Variants in SREBF2 observed in about 807,000 individuals in gnomAD.
SREBF2 encodes the protein sterol regulatory element-binding protein 2.
In SREBF2, 55 loss-of-function variants were observed where a neutral mutation model predicts 113.1. The observed-to-expected ratio is 0.49, with a 90% CI of 0.39 to 0.61. The LOEUF is 0.61. Among genes scored for constraint, SREBF2 ranks in the 20% least tolerant of loss-of-function variants. SREBF2 has a pLI of 0.00. For synonymous variants in SREBF2, 593 were observed against 605.7 expected, an observed-to-expected ratio of 0.98 and a Z score of 0.31; for missense variants, 1,349 against 1,487.4, an observed-to-expected ratio of 0.91 and a Z score of 1.53.
rs1231820682 is a variant in SREBF2 at position 41,870,770 on chromosome 22, A to G, written c.721-119A>G. 3 of 1,396,258 alleles carry G rather than the reference A, an allele frequency of 2.1e-6. No homozygotes were observed. In the East Asian group the frequency reaches 7.1e-5, roughly 33 times the overall value. The allele number at this position is 1,396,258 out of a possible 1,614,324, so 86.5% of individuals were successfully genotyped here. A position where few individuals can be genotyped will look rare whatever the true frequency, so the allele number is the denominator to read the frequency against. On this transcript the variant is annotated intron_variant, in intron 3 of 18. Coordinates refer to ENST00000361204, the MANE Select transcript of SREBF2 (RefSeq NM_004599.4). The stretch of plus-strand genomic sequence containing the variant: ...ATTTCCTGTTCATTTTTTTATTCTC[A>G]ATTTCATAAAAATTATATCATTTCT...
rs575791315 is a variant in SREBF2, at chr22:41,837,431, G to C, written c.88+4073G>C. ...AAATTAGCCGGGCATGGTGGTACAC[G>C]CCTATAGTCCCAGCAACCCAGGAGG... On this transcript the variant is annotated intron_variant, in intron 1 of 18. Coordinates refer to ENST00000361204, the MANE Select transcript of SREBF2 (RefSeq NM_004599.4). Among the ~76,000 whole-genome samples the C allele has an allele frequency of 5.3e-5, 8 of 151,670 alleles. No individual in the cohort carries two copies. The South Asian group carries it at 1.7e-3, about 32-fold the overall frequency.
chr22:41,834,295 G>T (rs1424982182), intron 1 of SREBF2: 1 of 152,404 alleles, frequency 6.6e-6, no homozygotes, highest in East Asian at 1.9e-4. Flanking sequence ...CTGGATAGTT[G>T]CACTCTTATG....
chr22:41,905,466 C>T lies in SREBF2; in HGVS notation c.3232C>T (p.Arg1078Ter). The T allele has an allele frequency of 6.3e-7, 1 of 1,578,056 alleles. No homozygotes were observed. Among genetic ancestry groups the T allele is most frequent in the Non-Finnish European group, 8.6e-7 (1 of 1,162,922 alleles). The change falls in exon 19 of 19, where the codon CGA (arginine) becomes TGA (stop). Residue 1078 changes from arginine (R) to a stop codon, truncating the protein, a stop_gained. Coordinates refer to ENST00000361204, the MANE Select transcript of SREBF2 (RefSeq NM_004599.4). LOFTEE classifies it high-confidence loss of function. ...AGAGGTGGATGCCTGGCCCGGCCAG[C>T]GAGAGCGGGCCACCGCCATCCTGCT... ...HGEVDAWPGQ[R>*]ERATAILLAC...
chr22:41,847,226 CAGG>C (rs959868829), intron 1 of SREBF2, among the ~76,000 whole-genome samples: 6 of 152,182 alleles, frequency 3.9e-5, no homozygotes, highest in African/African-American at 9.7e-5. Flanking sequence ...ACTCTGCCCC[CAGG>C]AGGAGGACAG....
chr22:41,842,685 C>T (rs2076840808), intron 1 of SREBF2, among the ~76,000 whole-genome samples: 1 of 152,092 alleles, frequency 6.6e-6, no homozygotes, highest in African/African-American at 2.4e-5. Flanking sequence ...TCGCAAGAAT[C>T]CAGTTAGGTA....
intron 13 of SREBF2, among the ~76,000 whole-genome samples, chr22:41,895,510 A>G (rs2077407067): frequency 7.4e-6 from 1 of 135,930 alleles, no homozygotes; most frequent in Non-Finnish European, 1.5e-5. Context: ...GTCTCAGCTC[A>G]CTGCAACCTC....
chr22:41,893,184 G>T lies in SREBF2; in HGVS notation c.2276G>T (p.Arg759Leu). Reference sequence around the variant, plus strand: ...CACAGTGCTGTTCCTGACTCCCTGCGCTGGCTCTGCCACCCCCTGGGCCAG... The same window carrying T: ...CACAGTGCTGTTCCTGACTCCCTGCTCTGGCTCTGCCACCCCCTGGGCCAG... ...PEHSAVPDSL[R>L]WLCHPLGQKF... Residue 759 changes from arginine (R) to leucine (L), a missense_variant, in exon 12 of 19, where the codon CGC becomes CTC. By Grantham distance (102) the Arg-to-Leu change is moderately radical (BLOSUM62 -2). Around this residue, in one of 2 missense-constraint regions of SREBF2, gnomAD observed 650 missense variants for 644.1 expected, o/e 1.01. Coordinates refer to ENST00000361204, the MANE Select transcript of SREBF2 (RefSeq NM_004599.4). 2.5e-6 allele frequency: 4 copies of T among 1,614,138 alleles called. No individual in the cohort carries two copies. Among genetic ancestry groups the T allele is most frequent in the Non-Finnish European group, 3.4e-6 (4 of 1,180,034 alleles).
At chr22:41,902,600 C>G (rs1477843436) in intron 16 of SREBF2, among the ~76,000 whole-genome samples, 1 of 152,174 alleles carries the variant, frequency 6.6e-6, no homozygotes, top group African/African-American at 2.4e-5. Context: ...ATCTCAGCCT[C>G]CTAGCCAGCC....
Position 41,866,900 on chromosome 22 carries a change from C to G in SREBF2, c.158C>G (p.Ser53Cys). ...PDLFSEQLCS[S>C]FPGSGGSGSS... ...TTGTTTTCAGAACAGCTGTGTAGCTCCTTTCCTGGCAGTGGTGGTAGTGGT... is the reference window on the plus strand; with the variant it reads ...TTGTTTTCAGAACAGCTGTGTAGCTGCTTTCCTGGCAGTGGTGGTAGTGGT... The change falls in exon 2 of 19, where the codon TCC becomes TGC. Residue 53 changes from serine to cysteine, a missense_variant. Transcript: ENST00000361204. 1.2e-6 allele frequency: 2 copies of G among 1,614,080 alleles called. No homozygotes were observed. Among genetic ancestry groups the G allele is most frequent in the Non-Finnish European group, 1.7e-6 (2 of 1,180,020 alleles).
At chr22:41,885,333 GT>G (rs1194063435) in intron 11 of SREBF2, among the ~76,000 whole-genome samples, 1 of 152,158 alleles carries the variant, frequency 6.6e-6, no homozygotes, top group Non-Finnish European at 1.5e-5. Context: ...CAACTTTTCT[GT>G]TCTTCAAGTG....
intron 3 of SREBF2, 142 bp downstream of exon 3, chr22:41,868,934 C>A: frequency 9.5e-7 from 1 of 1,051,984 alleles, no homozygotes. Flanking sequence ...CACCTGTGAG[C>A]AGCGTATAGT....
intron 9 of SREBF2, chr22:41,878,814 A>T: frequency 8.7e-7 from 1 of 1,147,730 alleles, no homozygotes; most frequent in Non-Finnish European, 1.2e-6. Flanking sequence ...ATTAGTGAGA[A>T]TCTGATTGGC....
intron 9 of SREBF2, 73 bp from the exon 10 acceptor site, chr22:41,880,643 G>T: frequency 6.3e-7 from 1 of 1,579,408 alleles, no homozygotes; most frequent in Admixed American, 1.7e-5. Flanking sequence ...GGGGCAGGGG[G>T]AGTAGAAGTC....
In SREBF2 at chr22:41,833,584, C is replaced by G. The variant is rs2076737051; in HGVS notation, c.88+226C>G. On this transcript the variant is annotated intron_variant, in intron 1 of 18. Transcript: ENST00000361204. This position sits in a 1 kb window ranked among gnomAD's most constrained non-coding sequence, Gnocchi z 4.1. ...CGTGGGATCTGGGGCGCCGCGGGGC[C>G]GAAAGCGGCGCGAGGGTCGCGGGTT... is the stretch of plus-strand genomic sequence containing the variant. 2.4e-6 allele frequency: 1 copy of G among 422,756 alleles called. No homozygotes were observed. The highest frequency in any genetic ancestry group is 4.1e-6 in the Non-Finnish European group (1 of 242,418). The allele number at this position is 422,756 out of a possible 1,614,324, so 26.2% of individuals were successfully genotyped here. A position where few individuals can be genotyped will look rare whatever the true frequency, so the allele number is the denominator to read the frequency against.
At chr22:41,843,224 C>T (rs1168951717) in intron 1 of SREBF2, among the ~76,000 whole-genome samples, 1 of 152,166 alleles carries the variant, frequency 6.6e-6, no homozygotes, top group Non-Finnish European at 1.5e-5. Context: ...GTGACTCATC[C>T]TGTTCTTTAT....
chr22:41,859,740 A>G (rs1452605028), intron 1 of SREBF2, among the ~76,000 whole-genome samples: 2 of 151,908 alleles, frequency 1.3e-5, no homozygotes, highest in Non-Finnish European at 2.9e-5. Context: ...CAGTTGAGAA[A>G]AACTGCAGCT....
At chr22:41,882,969 T>C (rs1356985206) in intron 10 of SREBF2, among the ~76,000 whole-genome samples, 1 of 152,140 alleles carries the variant, frequency 6.6e-6, no homozygotes, top group East Asian at 1.9e-4. Flanking sequence ...TAGCTGGTTT[T>C]TGTGGTGTGT....
chr22:41,844,606 A>G (rs2076860482), intron 1 of SREBF2, among the ~76,000 whole-genome samples: 1 of 152,188 alleles, frequency 6.6e-6, no homozygotes, highest in Admixed American at 6.5e-5. Flanking sequence ...ATTTCTGCAT[A>G]TCTCAGGCCT....
At chr22:41,880,567 A>C in intron 9 of SREBF2, 149 bp from the exon 10 acceptor site, 1 of 1,039,908 alleles carries the variant, frequency 9.6e-7, no homozygotes, top group Non-Finnish European at 1.5e-6. Flanking sequence ...GTTTTGTTTT[A>C]CTTTCTTGTA....
Sources: allele counts gnomAD v4.1 joint callset (sites outside exome capture counted in the v4.1 genomes callset), GRCh38; gene constraint gnomAD v4.1.1; regional missense constraint gnomAD v4.1.1; non-coding constraint Gnocchi (gnomAD v3.1); transcripts MANE v1.5; gene names NCBI Gene and HGNC (gene_info 2026-07-23, HGNC 2026-07-21).